The following TMEM123 variants were observed in gnomAD, a reference collection of about 807,000 sequenced individuals.
The protein encoded by TMEM123 is transmembrane protein 123, also known as porimin.
TMEM123 carries 16 observed loss-of-function variants against 19.7 expected under a neutral mutation model. The ratio of observed to expected loss-of-function variants is 0.81; its 90% confidence interval spans 0.55 to 1.23. TMEM123 has a LOEUF of 1.23. Ranked by LOEUF, TMEM123 falls within the 50% of genes most tolerant of loss-of-function variation. TMEM123 has a pLI of 0.00. For missense variants in TMEM123, 313 were observed against 257.8 expected, an observed-to-expected ratio of 1.21 and a Z score of -1.47; for synonymous variants, 118 against 99.4, an observed-to-expected ratio of 1.19 and a Z score of -1.12.
chr11:102,445,034 G>A (rs748036059), intron 2 of TMEM123, among the ~76,000 whole-genome samples: 3 of 151,966 alleles, frequency 2.0e-5, no homozygotes, highest in South Asian at 4.2e-4. Context: ...TGGGGGGAAG[G>A]GGGGAGGGAT....
At chr11:102,435,855 G>A (rs1434645835) in intron 2 of TMEM123, among the ~76,000 whole-genome samples, 5 of 151,806 alleles carry the variant, frequency 3.3e-5, no homozygotes, top group African/African-American at 1.2e-4. Flanking sequence ...TGGTTGCTTA[G>A]GGCTGGTGGG....
intron 1 of TMEM123, chr11:102,449,153 T>G: frequency 3.1e-6 from 1 of 320,356 alleles, no homozygotes; most frequent in Non-Finnish European, 6.1e-6. Context: ...TTGCCAAAAT[T>G]CATTTACCCA....
At chr11:102,430,615 TGGCAGAGAG>T (rs1377973070) in intron 2 of TMEM123, among the ~76,000 whole-genome samples, 1 of 152,170 alleles carries the variant, frequency 6.6e-6, no homozygotes, top group Non-Finnish European at 1.5e-5. Context: ...AAAGGTCTCA[TGGCAGAGAG>T]GGCAGAGAAA....
intron 2 of TMEM123, among the ~76,000 whole-genome samples, chr11:102,404,662 C>T (rs1446373976): frequency 4.6e-5 from 7 of 151,936 alleles, no homozygotes; most frequent in African/African-American, 1.4e-4. Flanking sequence ...CCGGTGCCTG[C>T]GATCTCGGCT....
intron 2 of TMEM123, chr11:102,448,218 T>C (rs1857903505): frequency 2.2e-6 from 1 of 456,122 alleles, no homozygotes; most frequent in Non-Finnish European, 4.4e-6. Flanking sequence ...ACTTAAAAAT[T>C]GTTTACAAGA....
Position 102,398,778 on chromosome 11 carries a change from AAG to A in TMEM123, c.*87_*88del, listed in dbSNP as rs1289554685. On this transcript the variant is annotated 3_prime_UTR_variant, in exon 5 of 5. Coordinates refer to ENST00000398136, the MANE Select transcript of TMEM123 (RefSeq NM_052932.3). ...ATGGCCTGTTTATACTATTTTCAAA[AAG>A]AGAATATTGTTTTAAACTATTAATA... 2.5e-5 allele frequency: 33 copies of A among 1,344,654 alleles called. No individual in the cohort carries two copies. Among genetic ancestry groups the A allele is most frequent in the South Asian group, 8.7e-5 (7 of 80,886 alleles). 83.3% of individuals were successfully genotyped at this position (1,344,654 alleles called of 1,614,324 possible). A position where few individuals can be genotyped will look rare whatever the true frequency, so the allele number is the denominator to read the frequency against.
chr11:102,451,592 G>A (rs1857939739), intron 1 of TMEM123, among the ~76,000 whole-genome samples: 2 of 152,094 alleles, frequency 1.3e-5, no homozygotes. Context: ...GAAAACCTTG[G>A]GTTACTTAAC....
At chr11:102,434,309 T>C (rs1027870787) in intron 2 of TMEM123, among the ~76,000 whole-genome samples, 7 of 151,938 alleles carry the variant, frequency 4.6e-5, no homozygotes, top group African/African-American at 7.2e-5. Context: ...AGACATTTCA[T>C]TGTGGTTTTA....
intron 2 of TMEM123, among the ~76,000 whole-genome samples, chr11:102,420,471 T>C (rs941761180): frequency 1.3e-4 from 20 of 152,282 alleles, no homozygotes; most frequent in Non-Finnish European, 7.4e-5. Context: ...TCTAAGTATT[T>C]TATAAACATT....
Position 102,448,834 on chromosome 11 carries a change from G to T in TMEM123, c.135C>A (p.His45Gln). ...CACCTGTTGAGTTAGCACTGGAGTT[G>T]TGTGGAAGCCCAGAATTCTCTATGT... ...SANIENSGLP[H>Q]NSSANSTETL... The change falls in exon 2 of 5, where the codon CAC (histidine) becomes CAA (glutamine). Residue 45 changes from histidine to glutamine, a missense_variant. His to Gln is a conservative substitution (Grantham distance 24, BLOSUM62 0). Coordinates refer to ENST00000398136, the MANE Select transcript of TMEM123 (RefSeq NM_052932.3). The T allele has an allele frequency of 6.2e-7, 1 of 1,613,770 alleles. No homozygotes were observed. Among genetic ancestry groups the T allele is most frequent in the Middle Eastern group, 1.7e-4 (1 of 6,030 alleles).
chr11:102,409,888 A>C (rs1338296363), intron 2 of TMEM123, among the ~76,000 whole-genome samples: 1 of 150,282 alleles, frequency 6.7e-6, no homozygotes, highest in Non-Finnish European at 1.5e-5. Flanking sequence ...AACTAGATAA[A>C]TCTAGATTCA....
At position 102,401,633 on chromosome 11, in the gene TMEM123, C is replaced by T; in HGVS notation, c.508G>A (p.Val170Ile). The change falls in exon 4 of 5, where the codon GTT becomes ATT. Residue 170 changes from valine (V) to isoleucine (I), a missense_variant. By Grantham distance (29) the Val-to-Ile change is conservative. Transcript: ENST00000398136. ...CCCAGCGTTAATACAATACCACCAA[C>T]AAAGCTCCCAGTATCAAATTTTGAT... Reference protein sequence around the residue: ...KGSKFDTGSFVGGIVLTLGVL... With the variant: ...KGSKFDTGSFIGGIVLTLGVL... 1 of 1,608,758 alleles carries T rather than the reference C, an allele frequency of 6.2e-7. No homozygotes were observed. The highest frequency in any genetic ancestry group is 8.5e-7 in the Non-Finnish European group (1 of 1,178,808).
At chr11:102,452,017 G>A (rs1857945750) in intron 1 of TMEM123, among the ~76,000 whole-genome samples, 1 of 152,202 alleles carries the variant, frequency 6.6e-6, no homozygotes, top group African/African-American at 2.4e-5. Flanking sequence ...CGAGCGTCAG[G>A]GGGACCTAAA....
rs536569152 is a variant in TMEM123 at position 102,413,143 on chromosome 11, G to T, written c.158-10937C>A. Among the ~76,000 whole-genome samples the T allele has an allele frequency of 2.2e-4, 34 of 152,276 alleles. 1 individual carries two copies. The South Asian group carries it at 5.4e-3, about 24-fold the overall frequency. ...TGATGTGAGAGTAAGCTTAAAAAAT[G>T]CACACCATCTTCCAGCAACTCATAC... On this transcript the variant is annotated intron_variant, in intron 2 of 4. Transcript: ENST00000398136.
intron 2 of TMEM123, among the ~76,000 whole-genome samples, chr11:102,446,051 G>T (rs1289547460): frequency 6.6e-6 from 1 of 152,234 alleles, no homozygotes; most frequent in Non-Finnish European, 1.5e-5. Flanking sequence ...CTGTTGGGAA[G>T]TATCAATGCT....
intron 2 of TMEM123, among the ~76,000 whole-genome samples, chr11:102,418,076 A>AT (rs1382658461): frequency 2.6e-5 from 4 of 151,472 alleles, no homozygotes; most frequent in East Asian, 1.9e-4. Context: ...AGCAGAAAAA[A>AT]AAAATAAAAC....
chr11:102,428,956 C>A, intron 2 of TMEM123, among the ~76,000 whole-genome samples: 1 of 152,168 alleles, frequency 6.6e-6, no homozygotes, highest in East Asian at 1.9e-4. Context: ...CTGTTCCACT[C>A]TTCCTTCAGG....
chr11:102,426,068 C>G (rs977393106), intron 2 of TMEM123, among the ~76,000 whole-genome samples: 2 of 152,216 alleles, frequency 1.3e-5, no homozygotes, highest in South Asian at 4.1e-4. Context: ...GTACCTGGCA[C>G]AGTGCCCAAC....
At chr11:102,422,656 A>G (rs1308937116) in intron 2 of TMEM123, among the ~76,000 whole-genome samples, 5 of 152,098 alleles carry the variant, frequency 3.3e-5, no homozygotes, top group Non-Finnish European at 7.4e-5. Flanking sequence ...CTTCACACCA[A>G]TCTATTTCTA....
Sources: allele counts gnomAD v4.1 joint callset (sites outside exome capture counted in the v4.1 genomes callset), GRCh38; gene constraint gnomAD v4.1.1; transcripts MANE v1.5; gene names NCBI Gene and HGNC (gene_info 2026-07-23, HGNC 2026-07-21).